The following PPIG variants were observed in gnomAD, a reference collection of about 807,000 sequenced individuals.
The protein encoded by PPIG is peptidyl-prolyl cis-trans isomerase G.
Under a neutral mutation model 87.9 loss-of-function variants are expected in PPIG, and 26 were observed. That is an observed-to-expected ratio of 0.30 (90% CI 0.22 to 0.41). The LOEUF (loss-of-function observed/expected upper bound fraction) is 0.41, where lower values mean the gene tolerates loss of function less well. Ranked by LOEUF, PPIG falls within the 10% of genes least tolerant of loss-of-function variation. The pLI is 1.00. For missense variants in PPIG, 722 were observed against 879.4 expected (o/e 0.82, Z 2.26); for synonymous variants, 308 against 276.5 (o/e 1.11, Z -1.13).
At chr2:169,613,014 T>A (rs1574452207) in intron 7 of PPIG, among the ~76,000 whole-genome samples, 1 of 152,356 alleles carries the variant, frequency 6.6e-6, no homozygotes, top group Non-Finnish European at 1.5e-5. Flanking sequence ...TTTGCCACAC[T>A]ATGTGTATCT....
At chr2:169,622,223 C>G (rs1215074707) in intron 9 of PPIG, among the ~76,000 whole-genome samples, 3 of 152,082 alleles carry the variant, frequency 2.0e-5, no homozygotes, top group Non-Finnish European at 4.4e-5. Context: ...GAGGTCGAGA[C>G]CAGCCTGGCC....
At chr2:169,613,959 A>G (rs1281827743) in intron 7 of PPIG, among the ~76,000 whole-genome samples, 1 of 152,190 alleles carries the variant, frequency 6.6e-6, no homozygotes, top group African/African-American at 2.4e-5. Flanking sequence ...AAAAACTTGT[A>G]AACACGATAT....
At chr2:169,587,435 T>A (rs531715871) in intron 1 of PPIG, among the ~76,000 whole-genome samples, 1 of 152,032 alleles carries the variant, frequency 6.6e-6, no homozygotes, top group African/African-American at 2.4e-5. Flanking sequence ...AGAGATGGGG[T>A]TTCACCATGT....
rs775314672 is a variant in PPIG at position 169,614,500 on chromosome 2, A to G, written c.407+7A>G. On this transcript the variant is annotated splice_region_variant and intron_variant, in intron 8 of 13. Transcript: ENST00000260970. ...CAACTCCTCATTTAGATGGGTAAAT[A>G]TTATTTTATTTATTTTACAACCTGT... The G allele has an allele frequency of 2.6e-6, 4 of 1,561,944 alleles. No individual in the cohort carries two copies. The highest frequency in any genetic ancestry group is 1.8e-4 in the Middle Eastern group (1 of 5,532).
chr2:169,636,240 C>G lies in PPIG; in HGVS notation c.1154+12C>G. 1 of 1,578,090 alleles carries G rather than the reference C, an allele frequency of 6.3e-7. No individual in the cohort carries two copies. The highest frequency in any genetic ancestry group is 1.2e-5 in the South Asian group (1 of 84,220). The stretch of plus-strand genomic sequence containing the variant: ...ATCAAGGGGGATAAGTAAGATTTAA[C>G]TATTATTATTTCAAATGTAATGATA... On this transcript the variant is annotated intron_variant, in intron 13 of 13. Coordinates refer to ENST00000260970, the MANE Select transcript of PPIG (RefSeq NM_004792.3).
rs1003455970 is a variant in PPIG, at chr2:169,639,251, A to T, written c.*1728A>T. The T allele has an allele frequency of 6.6e-6, 1 of 152,030 alleles. No individual in the cohort carries two copies. Among genetic ancestry groups the T allele is most frequent in the African/African-American group, 2.4e-5 (1 of 41,444 alleles). The allele number at this position is 152,030 out of a possible 1,614,324, so 9.4% of individuals were successfully genotyped here. On this transcript the variant is annotated 3_prime_UTR_variant, in exon 14 of 14. Coordinates refer to ENST00000260970, the MANE Select transcript of PPIG (RefSeq NM_004792.3). ...CCTTAGAGACTGACCACAAACCCACATTAGGGATAATTGAGTCTGAGTGCC... is the reference window on the plus strand; with the variant it reads ...CCTTAGAGACTGACCACAAACCCACTTTAGGGATAATTGAGTCTGAGTGCC...
At chr2:169,623,982 T>G (rs1290895618) in intron 9 of PPIG, among the ~76,000 whole-genome samples, 1 of 152,210 alleles carries the variant, frequency 6.6e-6, no homozygotes, top group Non-Finnish European at 1.5e-5. Context: ...TTTGTTTTGT[T>G]TTTTTGAGAC....
intron 1 of PPIG, among the ~76,000 whole-genome samples, chr2:169,596,138 T>C (rs1030094105): frequency 6.6e-6 from 1 of 151,410 alleles, no homozygotes; most frequent in African/African-American, 2.4e-5. Context: ...AGTCTCACTC[T>C]TGCCCAGGCT....
At chr2:169,594,819 A>T (rs1186135877) in intron 1 of PPIG, among the ~76,000 whole-genome samples, 1 of 151,662 alleles carries the variant, frequency 6.6e-6, no homozygotes, top group African/African-American at 2.4e-5. Context: ...GTGGAGACGG[A>T]ATTTCACCAT....
At chr2:169,633,736 A>G (rs1047252334) in intron 12 of PPIG, among the ~76,000 whole-genome samples, 1 of 151,996 alleles carries the variant, frequency 6.6e-6, no homozygotes, top group Non-Finnish European at 1.5e-5. Flanking sequence ...TGAAAACAGC[A>G]CTTGATACAT....
intron 7 of PPIG, among the ~76,000 whole-genome samples, chr2:169,612,085 A>G (rs917704748): frequency 1.3e-5 from 2 of 151,814 alleles, no homozygotes; most frequent in African/African-American, 2.4e-5. Flanking sequence ...AAGTGATCCT[A>G]CCGCCTCAGC....
intron 9 of PPIG, among the ~76,000 whole-genome samples, chr2:169,619,601 T>A (rs1305277964): frequency 3.3e-5 from 5 of 152,200 alleles, no homozygotes; most frequent in Non-Finnish European, 7.4e-5. Flanking sequence ...TCTTATTGCA[T>A]TAATCCCTTT....
chr2:169,596,100 G>A (rs568408256), intron 1 of PPIG, among the ~76,000 whole-genome samples: 12 of 149,700 alleles, frequency 8.0e-5, no homozygotes, highest in African/African-American at 2.7e-4. Context: ...CACTGCGCCC[G>A]GCCTTTTTGT....
rs533753174 is a variant in PPIG at position 169,592,868 on chromosome 2, T to C, written c.-70+8378T>C. 5.3e-5 allele frequency among the ~76,000 whole-genome samples: 8 copies of C among 152,344 alleles called. No homozygotes were observed. In the South Asian group the frequency reaches 1.2e-3, roughly 24 times the overall value. ...TTTCAGTAATGTTAGCGACACAGCA[T>C]GTGAGCCATCTTTTGTTGTCACCAT... On this transcript the variant is annotated intron_variant, in intron 1 of 13. Coordinates refer to ENST00000260970, the MANE Select transcript of PPIG (RefSeq NM_004792.3).
chr2:169,612,661 C>T (rs936903179), intron 7 of PPIG, among the ~76,000 whole-genome samples: 8 of 152,062 alleles, frequency 5.3e-5, no homozygotes, highest in Non-Finnish European at 7.4e-5. Context: ...GGATTACAGA[C>T]GTGAGCCACT....
intron 7 of PPIG, among the ~76,000 whole-genome samples, chr2:169,609,998 C>T (rs1685442058): frequency 6.6e-6 from 1 of 152,162 alleles, no homozygotes; most frequent in Non-Finnish European, 1.5e-5. Context: ...TAAGGATTTC[C>T]AATTCCAACT....
chr2:169,611,007 G>A lies in PPIG; in HGVS notation c.377+2249G>A, dbSNP rs145845550. 3.1e-3 allele frequency among the ~76,000 whole-genome samples: 465 copies of A among 152,194 alleles called. 3 individuals are homozygous for A. Among genetic ancestry groups the A allele is most frequent in the Middle Eastern group, 0.01 (3 of 294 alleles). Reference sequence around the variant, plus strand: ...GTGGATCACTTGAGGTTAGGTGTTCGAGACCAGCCTGGCCAACATGGTGAA... The same window carrying A: ...GTGGATCACTTGAGGTTAGGTGTTCAAGACCAGCCTGGCCAACATGGTGAA... On this transcript the variant is annotated intron_variant, in intron 7 of 13. Transcript: ENST00000260970.
chr2:169,622,200 C>T (rs999054857), intron 9 of PPIG, among the ~76,000 whole-genome samples: 24 of 152,170 alleles, frequency 1.6e-4, no homozygotes, highest in African/African-American at 5.3e-4. Context: ...GTGGACGGAT[C>T]ACTTGAGGTC....
intron 12 of PPIG, 144 bp from the exon 13 acceptor site, chr2:169,635,948 G>A (rs765501946): frequency 2.2e-6 from 1 of 450,098 alleles, no homozygotes; most frequent in Non-Finnish European, 3.9e-6. Flanking sequence ...TTAAGCTACT[G>A]TTTCAATGCT....
Sources: gnomAD v4.1 joint callset for allele counts (sites outside exome capture counted in the v4.1 genomes callset) on GRCh38, gnomAD v4.1.1 for gene constraint, MANE v1.5 for transcripts, NCBI Gene and HGNC (gene_info 2026-07-23, HGNC 2026-07-21) for gene names.